The following PSMD12 variants were observed in gnomAD, a reference collection of about 807,000 sequenced individuals.
PSMD12 encodes the protein proteasome 26S subunit, non-ATPase 12.
In PSMD12, 8 loss-of-function variants were observed where a neutral mutation model predicts 62.9. The ratio of observed to expected loss-of-function variants is 0.13; its 90% CI spans 0.07 to 0.23. The LOEUF is 0.23. Ranked by LOEUF, PSMD12 falls within the 10% of genes least tolerant of loss-of-function variation. PSMD12 has a pLI of 1.00. For missense variants in PSMD12, 424 were observed against 550.2 expected, an observed-to-expected ratio of 0.77 and a Z score of 2.29; for synonymous variants, 173 against 187.4, an observed-to-expected ratio of 0.92 and a Z score of 0.63.
At position 67,346,509 on chromosome 17, in the gene PSMD12, G is replaced by A. The variant is rs535237070; in HGVS notation, c.795+607C>T. 2.6e-5 allele frequency among the ~76,000 whole-genome samples: 4 copies of A among 152,240 alleles called. No homozygotes were observed. The South Asian group carries it at 8.3e-4, about 32-fold the overall frequency. On this transcript the variant is annotated intron_variant, in intron 7 of 10. Transcript: ENST00000356126. ...GAATCCGGGAGGCGGAGGTTGCAGT[G>A]AGCCAAGACTGTGCCACTGCACTCC... is the stretch of plus-strand genomic sequence containing the variant.
rs779780086 is a variant in PSMD12 at position 67,344,696 on chromosome 17, A to G, written c.993T>C (p.Gly331=). The G allele has an allele frequency of 6.2e-7, 1 of 1,613,838 alleles. No homozygotes were observed. The highest frequency in any genetic ancestry group is 8.5e-7 in the Non-Finnish European group (1 of 1,179,844). ...CATCCGTTGCAGGACTCTCAAGGGA[A>G]CCTTTTCTTAATTCCATTCCATAGT... ...VEDYGMELRK[G]SLESPATDVF... The change falls in exon 9 of 11, where the codon GGT becomes GGC. Residue 331 remains glycine, a synonymous_variant. Coordinates refer to ENST00000356126, the MANE Select transcript of PSMD12 (RefSeq NM_002816.5).
At chr17:67,359,946 T>G (rs1211721927) in intron 1 of PSMD12, among the ~76,000 whole-genome samples, 1 of 152,196 alleles carries the variant, frequency 6.6e-6, no homozygotes, top group African/African-American at 2.4e-5. Context: ...AATTCAATCA[T>G]TTCATTTTAG....
chr17:67,348,597 G>T lies in PSMD12; in HGVS notation c.463C>A (p.Gln155Lys). Reference protein sequence around the residue: ...LTKTLATIKEQNGDVKEAASI... With the variant: ...LTKTLATIKEKNGDVKEAASI... ...GCTGCCTCTTTCACATCACCATTTTGTTCTTTTATAGTTGCTAATGTTTTA... is the reference window on the plus strand; with the variant it reads ...GCTGCCTCTTTCACATCACCATTTTTTTCTTTTATAGTTGCTAATGTTTTA... The change falls in exon 5 of 11, where the codon CAA becomes AAA. Residue 155 changes from glutamine to lysine, a missense_variant. Coordinates refer to ENST00000356126, the MANE Select transcript of PSMD12 (RefSeq NM_002816.5). 6.2e-7 allele frequency: 1 copy of T among 1,613,706 alleles called. No homozygotes were observed. The highest frequency in any genetic ancestry group is 1.7e-5 in the Admixed American group (1 of 59,966).
chr17:67,346,918 T>C (rs921161633), intron 7 of PSMD12, among the ~76,000 whole-genome samples, 198 bp downstream of exon 7: 5 of 152,218 alleles, frequency 3.3e-5, no homozygotes, highest in African/African-American at 1.2e-4. Flanking sequence ...ACAGGAATCC[T>C]ACATTTCTCC....
Position 67,357,505 on chromosome 17 carries a change from T to C in PSMD12, c.168+14A>G, listed in dbSNP as rs375575740. 114 of 1,613,422 alleles carry C rather than the reference T, an allele frequency of 7.1e-5. No individual in the cohort carries two copies. The African/African-American group carries it at 1.1e-3, about 15-fold the overall frequency. On this transcript the variant is annotated intron_variant, in intron 2 of 10. Coordinates refer to ENST00000356126, the MANE Select transcript of PSMD12 (RefSeq NM_002816.5). ...AATTAATGGTAACTGAGCTTTCCCC[T>C]GTAAACTACTCACAGTACGAGTCTG...
intron 3 of PSMD12, among the ~76,000 whole-genome samples, chr17:67,355,909 C>T (rs1248825622): frequency 6.6e-6 from 1 of 151,842 alleles, no homozygotes; most frequent in Admixed American, 6.6e-5. Context: ...GGGAGGATCA[C>T]TTAAGCCCAG....
rs2041893382 is a variant in PSMD12, at chr17:67,339,734, ATT to A, written c.*1107_*1108del. On this transcript the variant is annotated 3_prime_UTR_variant, in exon 11 of 11. Transcript: ENST00000356126. The stretch of plus-strand genomic sequence containing the variant: ...GTATCATTTTAAATAACCTTCTAAC[ATT>A]GTTTTTTCTATTTTCTCTGAAATAA... 2.6e-5 allele frequency: 4 copies of A among 152,010 alleles called. No individual in the cohort carries two copies. In the South Asian group the frequency reaches 8.3e-4, roughly 32 times the overall value. The allele number at this position is 152,010 out of a possible 1,614,324, so 9.4% of individuals were successfully genotyped here.
chr17:67,340,656 C>G lies in PSMD12; in HGVS notation c.*187G>C, dbSNP rs2041904736. 1 of 458,046 alleles carries G rather than the reference C, an allele frequency of 2.2e-6. No homozygotes were observed. The highest frequency in any genetic ancestry group is 4.4e-5 in the Admixed American group (1 of 22,668). The allele number at this position is 458,046 out of a possible 1,614,324, so 28.4% of individuals were successfully genotyped here. A position where few individuals can be genotyped will look rare whatever the true frequency, so the allele number is the denominator to read the frequency against. ...GACGACAGAAATCTGTATTTTTGCA[C>G]CAATTGCAAATGCAAAGTTAACAAT... On this transcript the variant is annotated 3_prime_UTR_variant, in exon 11 of 11. Coordinates refer to ENST00000356126, the MANE Select transcript of PSMD12 (RefSeq NM_002816.5).
chr17:67,359,671 T>A (rs1039004910), intron 1 of PSMD12, among the ~76,000 whole-genome samples: 1 of 152,220 alleles, frequency 6.6e-6, no homozygotes, highest in African/African-American at 2.4e-5. Context: ...GCACAGCATA[T>A]ATACTGCATG....
chr17:67,345,770 T>C lies in PSMD12; in HGVS notation c.883A>G (p.Lys295Glu). ...DLVHRISGDK[K>E]LEEIPKYKDL... ...TTGTATTTGGGAATTTCTTCTAACT[T>C]CTTGTCACCACTTATTCGGTGAACC... The change falls in exon 8 of 11, where the codon AAG (lysine) becomes GAG (glutamate). Residue 295 changes from lysine to glutamate, a missense_variant. Physicochemically the swap from Lys to Glu is moderately conservative, Grantham distance 56. Transcript: ENST00000356126. 1 of 1,611,722 alleles carries C rather than the reference T, an allele frequency of 6.2e-7. No homozygotes were observed. Among genetic ancestry groups the C allele is most frequent in the South Asian group, 1.1e-5 (1 of 91,000 alleles).
intron 5 of PSMD12, 71 bp from the exon 6 acceptor site, chr17:67,347,556 A>C: frequency 7.2e-7 from 1 of 1,385,808 alleles, no homozygotes; most frequent in Non-Finnish European, 9.8e-7. Context: ...AATGAAATAG[A>C]TATTAAAATA....
intron 3 of PSMD12, among the ~76,000 whole-genome samples, chr17:67,355,669 A>G (rs1019633418): frequency 2.0e-5 from 3 of 152,212 alleles, no homozygotes; most frequent in Non-Finnish European, 2.9e-5. Context: ...AGATGAGATA[A>G]AAATGTAAAA....
chr17:67,356,529 G>C (rs1471370573), intron 3 of PSMD12, among the ~76,000 whole-genome samples: 1 of 103,490 alleles, frequency 9.7e-6, no homozygotes, highest in Non-Finnish European at 1.8e-5. Flanking sequence ...CTGCACTCCA[G>C]CCTGGGCGAC....
chr17:67,353,049 G>A (rs1443110258), intron 3 of PSMD12, among the ~76,000 whole-genome samples: 1 of 152,192 alleles, frequency 6.6e-6, no homozygotes, highest in Non-Finnish European at 1.5e-5. Context: ...GGTCTCCAGA[G>A]AGGATTTTTG....
chr17:67,346,985 GAAC>G (rs1260885866), intron 7 of PSMD12, 128 bp downstream of exon 7: 16 of 993,854 alleles, frequency 1.6e-5, no homozygotes, highest in Non-Finnish European at 2.2e-5. Flanking sequence ...GTAATATACT[GAAC>G]AACACTGAAT....
intron 3 of PSMD12, among the ~76,000 whole-genome samples, chr17:67,351,167 G>A (rs1429463477): frequency 1.3e-5 from 2 of 152,002 alleles, no homozygotes; most frequent in African/African-American, 4.8e-5. Context: ...AGAGATGGGC[G>A]GGTCACAAGG....
Position 67,357,289 on chromosome 17 carries a change from G to T in PSMD12, c.297+14C>A. The T allele has an allele frequency of 6.2e-7, 1 of 1,607,062 alleles. No homozygotes were observed. Among genetic ancestry groups the T allele is most frequent in the South Asian group, 1.1e-5 (1 of 89,772 alleles). On this transcript the variant is annotated intron_variant, in intron 3 of 10. Transcript: ENST00000356126. ...ATGCTTTTGTGTTTGGAGCAGACAT[G>T]ATCATGAACTCACTTGTTTTAACTG...
At chr17:67,356,010 G>A (rs201390217) in intron 3 of PSMD12, among the ~76,000 whole-genome samples, 1,181 of 100,256 alleles carry the variant, frequency 0.012, 14 homozygotes, top group African/African-American at 0.04. Flanking sequence ...ACACACACAC[G>A]CACACACACA....
intron 1 of PSMD12, among the ~76,000 whole-genome samples, chr17:67,364,978 G>A (rs1303769673): frequency 1.3e-5 from 2 of 152,040 alleles, no homozygotes; most frequent in Non-Finnish European, 2.9e-5. Context: ...TAGGTCAGGA[G>A]GTCGCGTGCG....
Sources: gnomAD v4.1 joint callset for allele counts (sites outside exome capture counted in the v4.1 genomes callset) on GRCh38, gnomAD v4.1.1 for gene constraint, MANE v1.5 for transcripts, NCBI Gene and HGNC (gene_info 2026-07-23, HGNC 2026-07-21) for gene names.